EYS: variants seen among roughly 807,000 people sequenced by gnomAD.
EYS encodes protein eyes shut homolog.
EYS carries 250 observed loss-of-function variants against 282.1 expected under a neutral mutation model. The ratio of observed to expected loss-of-function variants is 0.89; its 90% CI spans 0.80 to 0.98. EYS has a LOEUF of 0.98. Among genes scored for constraint, EYS ranks in the 50% least tolerant of loss-of-function variants. The pLI is 0.00. For missense variants in EYS, 4,016 were observed against 3,709.0 expected (o/e 1.08, Z -2.15); for synonymous variants, 1,355 against 1,282.9 (o/e 1.06, Z -1.20).
chr6:64,252,730 T>C (rs949604895), intron 30 of EYS, among the ~76,000 whole-genome samples: 2 of 152,174 alleles, frequency 1.3e-5, no homozygotes, highest in African/African-American at 4.8e-5. Flanking sequence ...ACTTAGAAGA[T>C]AGTTGTTTAA....
rs138602510 is a variant in EYS, at chr6:65,024,878, G to T, written c.2138-27175C>A. On this transcript the variant is annotated intron_variant, in intron 13 of 42. Transcript: ENST00000503581. The stretch of plus-strand genomic sequence containing the variant: ...AAGCTTTCACTGAGGACTATCATCA[G>T]TCAAATGATTAGTTTCAGCAATTTC... 1.0e-3 allele frequency among the ~76,000 whole-genome samples: 158 copies of T among 152,268 alleles called. 1 individual carries two copies. The highest frequency in any genetic ancestry group is 3.7e-3 in the African/African-American group (154 of 41,556).
intron 7 of EYS, among the ~76,000 whole-genome samples, chr6:65,397,379 C>G (rs1766319222): frequency 6.6e-6 from 1 of 151,896 alleles, no homozygotes; most frequent in South Asian, 2.1e-4. Flanking sequence ...TCCCACCATC[C>G]CACCTTTTAG....
intron 2 of EYS, among the ~76,000 whole-genome samples, chr6:65,519,344 C>T (rs936796169): frequency 3.3e-5 from 5 of 150,988 alleles, no homozygotes; most frequent in Non-Finnish European, 5.9e-5. Flanking sequence ...TAAATGAGTT[C>T]GAACATTGTG....
At chr6:64,115,831 A>C (rs963903253) in intron 31 of EYS, among the ~76,000 whole-genome samples, 2 of 152,208 alleles carry the variant, frequency 1.3e-5, no homozygotes, top group South Asian at 4.1e-4. Context: ...ATATTCTAGT[A>C]ACAGACTTCC....
At chr6:63,811,295 T>C (rs1266157532) in intron 36 of EYS, among the ~76,000 whole-genome samples, 1 of 152,242 alleles carries the variant, frequency 6.6e-6, no homozygotes, top group Non-Finnish European at 1.5e-5. Context: ...GGCTATCTTC[T>C]CTATCTTTTC....
At chr6:65,385,298 T>G (rs2150352450) in intron 7 of EYS, among the ~76,000 whole-genome samples, 1 of 152,086 alleles carries the variant, frequency 6.6e-6, no homozygotes, top group South Asian at 2.1e-4. Context: ...TATGTATTTA[T>G]TATTTTAAAT....
chr6:65,567,280 C>T (rs4235971), intron 2 of EYS, among the ~76,000 whole-genome samples: 112,024 of 148,946 alleles, frequency 0.75, 42,996 homozygotes, highest in African/African-American at 0.9. Flanking sequence ...TATACACACA[C>T]ATATATAATA....
At position 64,142,676 on chromosome 6, in the gene EYS, A is replaced by AG. The variant is rs140269766; in HGVS notation, c.6425-60675dup. On this transcript the variant is annotated intron_variant, in intron 31 of 42. Coordinates refer to ENST00000503581, the MANE Select transcript of EYS (RefSeq NM_001142800.2). ...CAGAATGAATTCCAGCAGTAGTGGAAGGCACACATTGTTTGGTTAGAAAAA... is the reference window on the plus strand; with the variant it reads ...CAGAATGAATTCCAGCAGTAGTGGAAGGGCACACATTGTTTGGTTAGAAAAA... Among the ~76,000 whole-genome samples the AG allele has an allele frequency of 2.8e-3, 423 of 152,298 alleles. 2 individuals are homozygous for AG. The highest frequency in any genetic ancestry group is 9.8e-3 in the African/African-American group (406 of 41,568).
chr6:65,590,844 G>A (rs1048344719), intron 2 of EYS, among the ~76,000 whole-genome samples: 1 of 151,526 alleles, frequency 6.6e-6, no homozygotes, highest in Admixed American at 6.6e-5. Flanking sequence ...ATTACATTGG[G>A]TAAATATACC....
chr6:65,293,955 A>C (rs997149301), intron 12 of EYS, among the ~76,000 whole-genome samples: 30 of 151,882 alleles, frequency 2.0e-4, no homozygotes, highest in African/African-American at 7.0e-4. Flanking sequence ...GCCTTCAGAA[A>C]GCACATGAGT....
chr6:65,241,143 T>C (rs1308928215), intron 12 of EYS, among the ~76,000 whole-genome samples: 1 of 151,414 alleles, frequency 6.6e-6, no homozygotes, highest in Non-Finnish European at 1.5e-5. Context: ...TGGAAGATCT[T>C]ATATATAGTT....
At chr6:65,361,183 G>A (rs1319880214) in intron 8 of EYS, among the ~76,000 whole-genome samples, 2 of 152,022 alleles carry the variant, frequency 1.3e-5, no homozygotes, top group East Asian at 3.9e-4. Flanking sequence ...AACACAGGAA[G>A]GGGAACATCA....
At chr6:64,496,565 T>C (rs969816819) in intron 26 of EYS, among the ~76,000 whole-genome samples, 4 of 152,164 alleles carry the variant, frequency 2.6e-5, no homozygotes, top group African/African-American at 9.6e-5. Context: ...TAAGTATATC[T>C]TTCTTCTTAA....
At chr6:64,123,887 C>T (rs549408829) in intron 31 of EYS, among the ~76,000 whole-genome samples, 2 of 152,280 alleles carry the variant, frequency 1.3e-5, no homozygotes, top group Admixed American at 1.3e-4. Flanking sequence ...GTTCCCATTT[C>T]CAGGCTCCAG....
chr6:64,657,563 A>C (rs7452781), intron 22 of EYS, among the ~76,000 whole-genome samples: 144,734 of 152,076 alleles, frequency 0.95, 69,273 homozygotes, highest in East Asian at 1. Flanking sequence ...GTGAGAAAAT[A>C]TCTCAGAATT....
At chr6:64,604,403 T>C (rs1198623914) in intron 24 of EYS, among the ~76,000 whole-genome samples, 1 of 151,990 alleles carries the variant, frequency 6.6e-6, no homozygotes, top group Non-Finnish European at 1.5e-5. Context: ...TCAAAGACCA[T>C]GAATAAAACT....
chr6:65,315,446 C>G (rs1389739670), intron 11 of EYS, among the ~76,000 whole-genome samples: 2 of 152,186 alleles, frequency 1.3e-5, no homozygotes, highest in East Asian at 3.9e-4. Flanking sequence ...CTCCCCATCA[C>G]TACTCCCTTC....
At chr6:64,726,788 A>C (rs760237217) in intron 22 of EYS, among the ~76,000 whole-genome samples, 3 of 152,208 alleles carry the variant, frequency 2.0e-5, no homozygotes, top group Non-Finnish European at 2.9e-5. Flanking sequence ...AATATTTAAA[A>C]TATAATTCCT....
intron 12 of EYS, among the ~76,000 whole-genome samples, chr6:65,101,065 G>A (rs1001127032): frequency 6.6e-6 from 1 of 150,908 alleles, no homozygotes; most frequent in East Asian, 1.9e-4. Context: ...CATTGGGATG[G>A]TAAGAATAAA....
Sources: allele counts gnomAD v4.1 joint callset (sites outside exome capture counted in the v4.1 genomes callset), GRCh38; gene constraint gnomAD v4.1.1; transcripts MANE v1.5; gene names NCBI Gene and HGNC (gene_info 2026-07-23, HGNC 2026-07-21).